UMOD: variants seen among roughly 807,000 people sequenced by gnomAD.
The protein encoded by UMOD is uromodulin.
A neutral mutation model predicts 66.0 loss-of-function variants in UMOD; 64 were observed. The observed-to-expected ratio is 0.97, with a 90% CI of 0.79 to 1.19. UMOD has a LOEUF of 1.19. UMOD is among the 50% of genes most tolerant of loss of function. UMOD has a pLI of 0.00. For synonymous variants in UMOD, 398 were observed against 352.7 expected (o/e 1.13, Z -1.44); for missense variants, 764 against 850.9 (o/e 0.90, Z 1.27).
intron 10 of UMOD, among the ~76,000 whole-genome samples, chr16:20,334,812 C>T (rs1322000590): frequency 6.6e-6 from 1 of 150,912 alleles, no homozygotes; most frequent in Non-Finnish European, 1.5e-5. Context: ...CACATGGTAG[C>T]ACTCAAGGAA....
intron 2 of UMOD, 61 bp downstream of exon 2, chr16:20,350,589 C>T (rs767032678): frequency 1.4e-5 from 23 of 1,596,388 alleles, no homozygotes; most frequent in Middle Eastern, 1.7e-4. Context: ...TTGCTTCCCC[C>T]ACACATTCAC....
chr16:20,353,442 C>T (rs1233953600), upstream of UMOD, among the ~76,000 whole-genome samples: 1 of 152,122 alleles, frequency 6.6e-6, no homozygotes. Context: ...TTCCTGAGGT[C>T]CAGAGGTCAA....
chr16:20,348,602 G>A lies in UMOD; in HGVS notation c.699C>T (p.Gly233=), dbSNP rs766364968. The part of the protein sequence containing the change: ...CNTAAPMWLN[G]THPSSDEGIV... ...TGCCCTCGTCGCTGGACGGATGCGT[G>A]CCATTGAGCCACATGGGGGCGGCCG... The change falls in exon 3 of 11, where the codon GGC becomes GGT. Residue 233 remains glycine, a synonymous_variant. Coordinates refer to ENST00000396138, the MANE Select transcript of UMOD (RefSeq NM_003361.4). 1.3e-6 allele frequency: 2 copies of A among 1,589,066 alleles called. No individual in the cohort carries two copies. Among genetic ancestry groups the A allele is most frequent in the Non-Finnish European group, 1.7e-6 (2 of 1,172,856 alleles).
chr16:20,343,209 T>C (rs1253154644), intron 6 of UMOD, among the ~76,000 whole-genome samples: 2 of 152,086 alleles, frequency 1.3e-5, no homozygotes, highest in Non-Finnish European at 2.9e-5. Context: ...CATTGGCCTG[T>C]GATTCATCCT....
chr16:20,353,913 C>T (rs887102974), upstream of UMOD, among the ~76,000 whole-genome samples: 1 of 152,212 alleles, frequency 6.6e-6, no homozygotes, highest in African/African-American at 2.4e-5. Context: ...CCGCTCCCCG[C>T]ATCCCACAAT....
intron 7 of UMOD, among the ~76,000 whole-genome samples, chr16:20,338,028 C>G (rs1442746406): frequency 6.6e-6 from 1 of 152,144 alleles, no homozygotes; most frequent in Non-Finnish European, 1.5e-5. Flanking sequence ...GGGAGGCAAA[C>G]TGGGCACCCC....
intron 5 of UMOD, among the ~76,000 whole-genome samples, chr16:20,344,439 C>G (rs1965422056): frequency 6.6e-6 from 1 of 151,952 alleles, no homozygotes; most frequent in Non-Finnish European, 1.5e-5. Flanking sequence ...CCTGTCTCTA[C>G]TAAAAATACA....
At chr16:20,350,963 A>T in intron 1 of UMOD, 124 bp from the exon 2 acceptor site, 1 of 962,770 alleles carries the variant, frequency 1.0e-6, no homozygotes, top group Non-Finnish European at 1.5e-6. Context: ...AAAAAATTGC[A>T]TAACACTGCA....
At chr16:20,346,398 G>A (rs1965590308) in intron 4 of UMOD, 64 bp from the exon 5 acceptor site, 1 of 1,563,606 alleles carries the variant, frequency 6.4e-7, no homozygotes. Context: ...CACATCCCCA[G>A]GGGCCAGGTC....
At chr16:20,348,199 C>G in intron 4 of UMOD, 24 bp downstream of exon 4, 2 of 1,607,726 alleles carry the variant, frequency 1.2e-6, no homozygotes, top group Non-Finnish European at 1.7e-6. Flanking sequence ...TCTCAACAAC[C>G]CGCTTCCTCC....
rs750535100 is a variant in UMOD, at chr16:20,349,046, G to A, written c.255C>T (p.Asn85=). 6.2e-7 allele frequency: 1 copy of A among 1,603,644 alleles called. No individual in the cohort carries two copies. Among genetic ancestry groups the A allele is most frequent in the Non-Finnish European group, 8.5e-7 (1 of 1,175,272 alleles). ...AGACGCAGGAGAAGGAGCCTGGCGT[G>A]TTTACGCAGCTGCTGTTGGCGGAGC... ...HNCSANSSCV[N]TPGSFSCVCP... The change falls in exon 3 of 11, where the codon AAC becomes AAT. Residue 85 remains asparagine, a synonymous_variant. Transcript: ENST00000396138.
chr16:20,336,634 TG>T lies in UMOD; in HGVS notation c.1822+11del. 1 of 1,612,904 alleles carries T rather than the reference TG, an allele frequency of 6.2e-7. No homozygotes were observed. The highest frequency in any genetic ancestry group is 1.3e-5 in the African/African-American group (1 of 75,006). On this transcript the variant is annotated intron_variant, in intron 9 of 10. Transcript: ENST00000396138. ...CCAGCCAGGAATGTTGAGGAGCGAG[TG>T]GCTCTCTTACCTTTCCGTGTGATGG... is the stretch of plus-strand genomic sequence containing the variant.
intron 6 of UMOD, among the ~76,000 whole-genome samples, chr16:20,342,799 T>A (rs1388122002): frequency 6.6e-6 from 1 of 152,212 alleles, no homozygotes; most frequent in Non-Finnish European, 1.5e-5. Context: ...GGCAGAACAC[T>A]GGCTATAATG....
At chr16:20,333,712 C>G (rs1316355462) in intron 10 of UMOD, among the ~76,000 whole-genome samples, 2 of 152,128 alleles carry the variant, frequency 1.3e-5, no homozygotes, top group African/African-American at 4.8e-5. Flanking sequence ...TCTGAGCTCA[C>G]CAGCACTGGG....
intron 5 of UMOD, among the ~76,000 whole-genome samples, chr16:20,345,168 C>A (rs1255411194): frequency 6.6e-6 from 1 of 152,058 alleles, no homozygotes; most frequent in African/African-American, 2.4e-5. Context: ...TGCCCACCAA[C>A]AGGTCCAGCA....
At position 20,336,706 on chromosome 16, in the gene UMOD, G is replaced by A. The variant is rs754879409; in HGVS notation, c.1762C>T (p.Arg588Ter). The change falls in exon 9 of 11, where the codon CGA becomes TGA. Residue 588 changes from arginine (R) to a stop codon, truncating the protein, a stop_gained. Transcript: ENST00000396138. LOFTEE classifies it high-confidence loss of function. ...GATTGATCTATGACACTCCCACTTC[G>A]GAATCTGGTCCCAGAGCAGGTCTAC... ...CKPTCSGTRF[R>*]SGSVIDQSRV... is the part of the protein sequence containing the mutation. 1.2e-5 allele frequency: 19 copies of A among 1,614,062 alleles called. No individual in the cohort carries two copies. The highest frequency in any genetic ancestry group is 5.0e-5 in the Admixed American group (3 of 60,020).
rs111536805 is a variant in UMOD at position 20,349,732 on chromosome 16, G to T, written c.89-520C>A. ...CTTTGGTAGGATTTACGGTGAACCT[G>T]TTGCCCCTCCCTTTCTTTGCACATT... On this transcript the variant is annotated intron_variant, in intron 2 of 10. Coordinates refer to ENST00000396138, the MANE Select transcript of UMOD (RefSeq NM_003361.4). 1,221 of 1,536,952 alleles carry T rather than the reference G, an allele frequency of 7.9e-4. 10 individuals are homozygous for T. In the African/African-American group the frequency reaches 0.012, roughly 15 times the overall value.
chr16:20,338,927 T>C, intron 7 of UMOD, among the ~76,000 whole-genome samples: 1 of 151,200 alleles, frequency 6.6e-6, no homozygotes, highest in South Asian at 2.1e-4. Flanking sequence ...GCCTGTCTAA[T>C]TTTTTTGTAT....
intron 10 of UMOD, among the ~76,000 whole-genome samples, chr16:20,334,985 A>G (rs986864336): frequency 1.3e-5 from 2 of 151,720 alleles, no homozygotes; most frequent in African/African-American, 4.8e-5. Context: ...GCGCCACCAC[A>G]CCCAGCTAAC....
Sources: allele counts gnomAD v4.1 joint callset (sites outside exome capture counted in the v4.1 genomes callset), GRCh38; gene constraint gnomAD v4.1.1; transcripts MANE v1.5; gene names NCBI Gene and HGNC (gene_info 2026-07-23, HGNC 2026-07-21).